The following SEMA3A variants were observed in gnomAD, a reference collection of about 807,000 sequenced individuals.
The protein encoded by SEMA3A is semaphorin-3A.
SEMA3A carries 29 observed loss-of-function variants against 97.9 expected under a neutral mutation model. The ratio of observed to expected loss-of-function variants is 0.30; its 90% confidence interval spans 0.22 to 0.40. The LOEUF (loss-of-function observed/expected upper bound fraction) is 0.40, where lower values mean the gene tolerates loss of function less well. SEMA3A is among the 10% of genes least tolerant of loss of function. The pLI is 1.00. For synonymous variants in SEMA3A, 321 were observed against 323.7 expected, an observed-to-expected ratio of 0.99 and a Z score of 0.09; for missense variants, 763 against 951.3, an observed-to-expected ratio of 0.80 and a Z score of 2.60.
At chr7:83,988,926 C>T (rs1301834870) in intron 12 of SEMA3A, among the ~76,000 whole-genome samples, 7 of 147,068 alleles carry the variant, frequency 4.8e-5, no homozygotes, top group South Asian at 4.3e-4. Context: ...GGTGCGATCT[C>T]GGCTCACTGC....
intron 2 of SEMA3A, among the ~76,000 whole-genome samples, chr7:84,344,622 G>A (rs1802251716): frequency 6.6e-6 from 1 of 152,222 alleles, no homozygotes; most frequent in Non-Finnish European, 1.5e-5. Context: ...GGGCAAGAGA[G>A]AGGCCTCTGT....
At chr7:84,449,996 G>T (rs187505498) in intron 1 of SEMA3A, among the ~76,000 whole-genome samples, 4 of 151,978 alleles carry the variant, frequency 2.6e-5, no homozygotes, top group Non-Finnish European at 4.4e-5. Flanking sequence ...CATACGTTTG[G>T]GTTGTTTCCA....
chr7:84,346,100 A>G (rs1372612055), intron 2 of SEMA3A, among the ~76,000 whole-genome samples: 1 of 152,144 alleles, frequency 6.6e-6, no homozygotes, highest in Non-Finnish European at 1.5e-5. Context: ...AGTTATGGAG[A>G]TGGCATCTTT....
chr7:84,320,895 A>G (rs1411071150), intron 2 of SEMA3A, among the ~76,000 whole-genome samples: 1 of 152,044 alleles, frequency 6.6e-6, no homozygotes, highest in African/African-American at 2.4e-5. Context: ...TTTCATGTAA[A>G]ATTATTGTTA....
chr7:84,080,436 A>G (rs1583930234), intron 4 of SEMA3A, among the ~76,000 whole-genome samples: 1 of 152,140 alleles, frequency 6.6e-6, no homozygotes, highest in East Asian at 1.9e-4. Context: ...TTTATTGGAC[A>G]TTTATCATTC....
chr7:84,016,460 CCCGGGAGGCGGAGCTTGCAGTGAG>C (rs1791104616), intron 6 of SEMA3A, among the ~76,000 whole-genome samples: 1 of 151,734 alleles, frequency 6.6e-6, no homozygotes, highest in Non-Finnish European at 1.5e-5. Flanking sequence ...ATGGCATTAA[CCCGGGAGGCGGAGCTTGCAGTGAG>C]CCGAGATCGC....
intron 6 of SEMA3A, among the ~76,000 whole-genome samples, chr7:84,028,393 T>C (rs1028775979): frequency 6.6e-6 from 1 of 152,228 alleles, no homozygotes; most frequent in African/African-American, 2.4e-5. Context: ...TGATAAATGA[T>C]ATCATTTAGT....
chr7:84,487,320 T>G (rs1483970412), intron 1 of SEMA3A, among the ~76,000 whole-genome samples: 1 of 152,070 alleles, frequency 6.6e-6, no homozygotes, highest in Non-Finnish European at 1.5e-5. Context: ...TTGTTGTGAC[T>G]GCTGGCTGGG....
chr7:84,125,689 A>G (rs1276751576), intron 3 of SEMA3A, among the ~76,000 whole-genome samples: 4 of 152,192 alleles, frequency 2.6e-5, no homozygotes, highest in African/African-American at 7.2e-5. Flanking sequence ...AGTTTTTTGT[A>G]TTAATAACAG....
intron 2 of SEMA3A, among the ~76,000 whole-genome samples, chr7:84,328,018 A>G (rs967458806): frequency 6.6e-6 from 1 of 152,022 alleles, no homozygotes; most frequent in African/African-American, 2.4e-5. Flanking sequence ...TAAAGGTTAG[A>G]TTACGATTTC....
At chr7:84,185,447 A>C (rs985742325) in intron 1 of SEMA3A, among the ~76,000 whole-genome samples, 2 of 151,950 alleles carry the variant, frequency 1.3e-5, no homozygotes, top group African/African-American at 4.8e-5. Context: ...CAAGGTGGGC[A>C]GATCATCTGA....
chr7:84,437,662 G>A lies in SEMA3A; in HGVS notation c.-246+54798C>T, dbSNP rs144440977. 4.0e-4 allele frequency among the ~76,000 whole-genome samples: 61 copies of A among 150,828 alleles called. No individual in the cohort carries two copies. In the East Asian group the frequency reaches 0.012, roughly 29 times the overall value. On this transcript the variant is annotated intron_variant, in intron 1 of 3. Transcript: ENST00000424555. The stretch of plus-strand genomic sequence containing the variant: ...TCTGGATATCCATCCTGATACATGA[G>A]AACAGAGTATTCCAGAGAAAATTTC...
At chr7:84,357,550 A>G (rs1040026824) in intron 2 of SEMA3A, among the ~76,000 whole-genome samples, 3 of 151,974 alleles carry the variant, frequency 2.0e-5, no homozygotes, top group African/African-American at 7.3e-5. Context: ...GGACATTTGG[A>G]TTGGTCCCAA....
At chr7:83,987,101 T>C (rs1429953808) in intron 12 of SEMA3A, among the ~76,000 whole-genome samples, 1 of 149,718 alleles carries the variant, frequency 6.7e-6, no homozygotes, top group African/African-American at 2.4e-5. Context: ...ATCTAATATA[T>C]TATTAATAAT....
At chr7:84,446,941 A>G (rs1562951048) in intron 1 of SEMA3A, among the ~76,000 whole-genome samples, 1 of 152,114 alleles carries the variant, frequency 6.6e-6, no homozygotes, top group Non-Finnish European at 1.5e-5. Flanking sequence ...CTGCAGCTGC[A>G]GCTGCCCAGC....
At chr7:84,473,913 C>G (rs778803798) in intron 1 of SEMA3A, among the ~76,000 whole-genome samples, 12 of 152,114 alleles carry the variant, frequency 7.9e-5, no homozygotes, top group Non-Finnish European at 1.8e-4. Flanking sequence ...ATTTTCCATA[C>G]CTTTATTGAG....
In SEMA3A at chr7:83,984,500, A is replaced by G. The variant is rs537336130; in HGVS notation, c.1494+936T>C. ...AAGCATGGTCAGAGATAAAACATGT[A>G]AACAGTTCAGAAATAAGATTTGCCA... is the stretch of plus-strand genomic sequence containing the variant. On this transcript the variant is annotated intron_variant, in intron 13 of 16. Coordinates refer to ENST00000265362, the MANE Select transcript of SEMA3A (RefSeq NM_006080.3). Among the ~76,000 whole-genome samples the G allele has an allele frequency of 2.0e-5, 3 of 152,178 alleles. No individual in the cohort carries two copies. In the South Asian group the frequency reaches 6.2e-4, roughly 32 times the overall value.
chr7:84,146,553 T>C (rs1401224173), intron 1 of SEMA3A, among the ~76,000 whole-genome samples: 1 of 152,186 alleles, frequency 6.6e-6, no homozygotes, highest in Admixed American at 6.5e-5. Flanking sequence ...ACAAAATAAC[T>C]AATGAGCAAT....
At chr7:84,427,332 C>T (rs553846053) in intron 1 of SEMA3A, among the ~76,000 whole-genome samples, 139 of 152,086 alleles carry the variant, frequency 9.1e-4, no homozygotes, top group Admixed American at 3.9e-3. Context: ...GAAACAAATG[C>T]TTGGTTGTTA....
Sources: gnomAD v4.1 joint callset for allele counts (sites outside exome capture counted in the v4.1 genomes callset) on GRCh38, gnomAD v4.1.1 for gene constraint, MANE v1.5 for transcripts, NCBI Gene and HGNC (gene_info 2026-07-23, HGNC 2026-07-21) for gene names.